PARP4: variants seen among roughly 807,000 people sequenced by gnomAD.
PARP4 encodes the protein protein mono-ADP-ribosyltransferase PARP4.
PARP4 carries 120 observed loss-of-function variants against 187.7 expected under a neutral mutation model. The observed-to-expected ratio is 0.64, with a 90% confidence interval of 0.55 to 0.74. The LOEUF (loss-of-function observed/expected upper bound fraction) is 0.74, where lower values mean the gene tolerates loss of function less well. PARP4 is among the 30% of genes least tolerant of loss of function. The pLI is 0.00. For synonymous variants in PARP4, 654 were observed against 740.9 expected (o/e 0.88, Z 1.90); for missense variants, 1,836 against 2,070.5 (o/e 0.89, Z 2.20).
At chr13:24,506,329 C>G (rs908510157) in intron 1 of PARP4, among the ~76,000 whole-genome samples, 1 of 152,128 alleles carries the variant, frequency 6.6e-6, no homozygotes, top group African/African-American at 2.4e-5. Flanking sequence ...GCAGTGCGGA[C>G]CCAAACAGTG....
At chr13:24,472,885 C>T (rs1361954141) in intron 15 of PARP4, among the ~76,000 whole-genome samples, 2 of 144,850 alleles carry the variant, frequency 1.4e-5, no homozygotes, top group African/African-American at 2.5e-5. Flanking sequence ...TCTTTCAACA[C>T]CCTGAGTTTT....
intron 17 of PARP4, among the ~76,000 whole-genome samples, chr13:24,466,597 C>A (rs1260614900): frequency 2.6e-5 from 4 of 152,002 alleles, no homozygotes; most frequent in Admixed American, 2.6e-4. Context: ...CGGTTTGAGA[C>A]CAGCCTGGCC....
At chr13:24,425,613 C>A (rs1166470892) in intron 33 of PARP4, among the ~76,000 whole-genome samples, 10 of 98,950 alleles carry the variant, frequency 1.0e-4, no homozygotes, top group African/African-American at 1.4e-4. Context: ...ATCTATATAT[C>A]TCAGAGGGAT....
intron 30 of PARP4, among the ~76,000 whole-genome samples, chr13:24,438,885 T>A (rs7995492): frequency 0.4 from 60,368 of 152,028 alleles, 12,234 homozygotes; most frequent in African/African-American, 0.46. Flanking sequence ...AATGACTCCG[T>A]GTAGAATGCG....
At position 24,478,203 on chromosome 13, in the gene PARP4, C is replaced by T. The variant is rs754596959; in HGVS notation, c.1522G>A (p.Gly508Arg). Reference protein sequence around the residue: ...RLLLICDVALGKCMDLHEKDF... With the variant: ...RLLLICDVALRKCMDLHEKDF... Reference sequence around the variant, plus strand: ...TTCTCATGTAAGTCCATACACTTTCCGAGGGCTACGTCACAAATGAGCAGG... The same window carrying T: ...TTCTCATGTAAGTCCATACACTTTCTGAGGGCTACGTCACAAATGAGCAGG... The change falls in exon 13 of 34, where the codon GGA becomes AGA. Residue 508 changes from glycine to arginine, a missense_variant. Transcript: ENST00000381989. 30 of 1,613,548 alleles carry T rather than the reference C, an allele frequency of 1.9e-5. No homozygotes were observed. The highest frequency in any genetic ancestry group is 1.7e-4 in the Admixed American group (10 of 59,960).
chr13:24,506,820 C>G (rs1027264863), intron 1 of PARP4, among the ~76,000 whole-genome samples: 1 of 152,224 alleles, frequency 6.6e-6, no homozygotes, highest in Non-Finnish European at 1.5e-5. Context: ...CTTGCACCCG[C>G]ACTCCTCAGC....
At chr13:24,422,359 C>CAA (rs1466402422) in intron 33 of PARP4, among the ~76,000 whole-genome samples, 1 of 152,132 alleles carries the variant, frequency 6.6e-6, no homozygotes, top group Non-Finnish European at 1.5e-5. Context: ...GAAGCATGCC[C>CAA]AAAGTGGTTA....
intron 30 of PARP4, among the ~76,000 whole-genome samples, chr13:24,437,002 T>C (rs1870670041): frequency 6.6e-6 from 1 of 152,168 alleles, no homozygotes; most frequent in Non-Finnish European, 1.5e-5. Flanking sequence ...AGTGATGGAC[T>C]AGAACTATCA....
chr13:24,494,803 C>T lies in PARP4; in HGVS notation c.592-81G>A. ...TTGAACATAAATAAAGCAGTAGGTC[C>T]TTGACATGAAGAAGCTTAGAAATTA... On this transcript the variant is annotated intron_variant, in intron 6 of 33. Coordinates refer to ENST00000381989, the MANE Select transcript of PARP4 (RefSeq NM_006437.4). 8.3e-6 allele frequency: 7 copies of T among 840,314 alleles called. No homozygotes were observed. In the South Asian group the frequency reaches 1.3e-4, roughly 16 times the overall value. The allele number at this position is 840,314 out of a possible 1,614,324, so 52.1% of individuals were successfully genotyped here.
At chr13:24,447,914 A>G (rs566672396) in intron 25 of PARP4, among the ~76,000 whole-genome samples, 1 of 152,344 alleles carries the variant, frequency 6.6e-6, no homozygotes, top group South Asian at 2.1e-4. Flanking sequence ...TGTTATTAAA[A>G]AACAAGTGGT....
At chr13:24,511,668 A>G (rs1870026373) in intron 1 of PARP4, among the ~76,000 whole-genome samples, 1 of 152,248 alleles carries the variant, frequency 6.6e-6, no homozygotes. Flanking sequence ...CTTTCTGGGC[A>G]GTCTTGATTC....
Position 24,446,962 on chromosome 13 carries a change from A to G in PARP4, c.3285+54T>C, listed in dbSNP as rs111311837. 2,301 of 1,533,318 alleles carry G rather than the reference A, an allele frequency of 1.5e-3. 17 individuals are homozygous for G. The highest frequency in any genetic ancestry group is 0.012 in the East Asian group (525 of 43,840). The allele number at this position is 1,533,318 out of a possible 1,614,324, so 95.0% of individuals were successfully genotyped here. Reference sequence around the variant, plus strand: ...GGGGAGGGAAGAAGACAGAAAAAAAATTAGCAAAATATATTGGTCTTCCCA... The same window carrying G: ...GGGGAGGGAAGAAGACAGAAAAAAAGTTAGCAAAATATATTGGTCTTCCCA... On this transcript the variant is annotated intron_variant, in intron 26 of 33. Transcript: ENST00000381989.
At chr13:24,457,276 G>T (rs970552265) in intron 20 of PARP4, among the ~76,000 whole-genome samples, 1 of 152,156 alleles carries the variant, frequency 6.6e-6, no homozygotes, top group Non-Finnish European at 1.5e-5. Context: ...TGACCACAAA[G>T]TCTCTCCACT....
At chr13:24,472,447 C>T (rs1872766321) in intron 15 of PARP4, among the ~76,000 whole-genome samples, 1 of 152,114 alleles carries the variant, frequency 6.6e-6, no homozygotes, top group Non-Finnish European at 1.5e-5. Context: ...CCCCGTCTCC[C>T]CAGATTAAGG....
intron 1 of PARP4, among the ~76,000 whole-genome samples, chr13:24,512,467 C>G (rs544654985): frequency 2.0e-5 from 3 of 152,090 alleles, no homozygotes; most frequent in Non-Finnish European, 4.4e-5. Flanking sequence ...CCACCGCACC[C>G]GGTTTCTCGT....
intron 12 of PARP4, among the ~76,000 whole-genome samples, chr13:24,480,332 T>C (rs1407804603): frequency 6.6e-6 from 1 of 152,208 alleles, no homozygotes; most frequent in African/African-American, 2.4e-5. Context: ...TTCCCTGAGA[T>C]ACAACAATAT....
At chr13:24,460,570 A>G (rs898078966) in intron 17 of PARP4, among the ~76,000 whole-genome samples, 1 of 151,196 alleles carries the variant, frequency 6.6e-6, no homozygotes, top group Non-Finnish European at 1.5e-5. Flanking sequence ...ACCCTCCCTG[A>G]CCTCCATGGC....
intron 10 of PARP4, among the ~76,000 whole-genome samples, chr13:24,486,964 A>G (rs1284885751): frequency 6.6e-6 from 1 of 152,072 alleles, no homozygotes; most frequent in Non-Finnish European, 1.5e-5. Context: ...TCTGTCTCAA[A>G]GAAAAGAAAG....
At chr13:24,441,115 T>C (rs1321718709) in intron 30 of PARP4, among the ~76,000 whole-genome samples, 1 of 152,088 alleles carries the variant, frequency 6.6e-6, no homozygotes, top group Non-Finnish European at 1.5e-5. Context: ...TCAAGTCGTC[T>C]GCTGCCTCAG....
Sources: gnomAD v4.1 joint callset for allele counts (sites outside exome capture counted in the v4.1 genomes callset) on GRCh38, gnomAD v4.1.1 for gene constraint, MANE v1.5 for transcripts, NCBI Gene and HGNC (gene_info 2026-07-23, HGNC 2026-07-21) for gene names.